The following PRPF19 variants were observed in gnomAD, a reference collection of about 807,000 sequenced individuals.
The protein encoded by PRPF19 is pre-mRNA processing factor 19, also known as pre-mRNA-processing factor 19.
Under a neutral mutation model 64.2 loss-of-function variants are expected in PRPF19, and 2 were observed. The observed-to-expected ratio is 0.03, with a 90% confidence interval of 0.01 to 0.10. The LOEUF (loss-of-function observed/expected upper bound fraction) is 0.10, where lower values mean the gene tolerates loss of function less well. PRPF19 is among the 10% of genes least tolerant of loss of function. The pLI, the probability that PRPF19 is intolerant of heterozygous loss-of-function variation, is 1.00. For missense variants in PRPF19, 314 were observed against 650.0 expected (o/e 0.48, Z 5.62); for synonymous variants, 226 against 251.6 (o/e 0.90, Z 0.96).
At chr11:60,906,076 C>T (rs1428175338) in intron 1 of PRPF19, among the ~76,000 whole-genome samples, 1 of 152,266 alleles carries the variant, frequency 6.6e-6, no homozygotes, top group East Asian at 1.9e-4. Flanking sequence ...GGCTGCTTCC[C>T]TTGCACCAGC....
rs773793364 is a variant in PRPF19, at chr11:60,899,129, G to A, written c.984+20C>T. On this transcript the variant is annotated intron_variant, in intron 11 of 15. Coordinates refer to ENST00000227524, the MANE Select transcript of PRPF19 (RefSeq NM_014502.5). ...CTTGGGGACCAGCAGGCCTCTCCAG[G>A]GCACTGGCTGGGACCGCACCTGATC... 1 of 1,605,660 alleles carries A rather than the reference G, an allele frequency of 6.2e-7. No individual in the cohort carries two copies. Among genetic ancestry groups the A allele is most frequent in the Non-Finnish European group, 8.5e-7 (1 of 1,175,852 alleles).
chr11:60,902,292 C>A lies in PRPF19; in HGVS notation c.525+111G>T. On this transcript the variant is annotated intron_variant, in intron 6 of 15. Transcript: ENST00000227524. This position sits in a 1 kb window ranked among gnomAD's most constrained non-coding sequence, Gnocchi z 5.0. The stretch of plus-strand genomic sequence containing the variant: ...GCAATCTGGTCCCAGGGTCCATGCT[C>A]TGCACCACTCAACTCCCAAAAGCAC... The A allele has an allele frequency of 8.2e-7, 1 of 1,225,078 alleles. No individual in the cohort carries two copies. 75.9% of individuals were successfully genotyped at this position (1,225,078 alleles called of 1,614,324 possible). A position where few individuals can be genotyped will look rare whatever the true frequency, so the allele number is the denominator to read the frequency against.
In PRPF19 at chr11:60,899,312, G is replaced by C. The variant is rs1481757582; in HGVS notation, c.829-8C>G. 6.2e-7 allele frequency: 1 copy of C among 1,606,628 alleles called. No individual in the cohort carries two copies. The highest frequency in any genetic ancestry group is 2.2e-5 in the East Asian group (1 of 44,852). On this transcript the variant is annotated splice_region_variant and splice_polypyrimidine_tract_variant and intron_variant, in intron 10 of 15. Transcript: ENST00000227524. ...AGCAGAAAACACCAGGTCCTACAAG[G>C]AAAACAAAGACAGAATATCAGAGTC...
In PRPF19 at chr11:60,902,446, T is replaced by A; in HGVS notation, c.482A>T (p.Asp161Val). 6.2e-7 allele frequency: 1 copy of A among 1,613,962 alleles called. No individual in the cohort carries two copies. Among genetic ancestry groups the A allele is most frequent in the Non-Finnish European group, 8.5e-7 (1 of 1,179,990 alleles). Reference protein sequence around the residue: ...PSVVGAGEPMDLGELVGMTPE... With the variant: ...PSVVGAGEPMVLGELVGMTPE... ...GGTCATTCCCACCAGCTCACCCAAATCCATTGGCTCACCCGCACCCTGAAG... is the reference window on the plus strand; with the variant it reads ...GGTCATTCCCACCAGCTCACCCAAAACCATTGGCTCACCCGCACCCTGAAG... Residue 161 changes from aspartate (D) to valine (V), a missense_variant, in exon 6 of 16, where the codon GAT (aspartate) becomes GTT (valine). By Grantham distance (152) the Asp-to-Val change is radical. This residue lies in a region of PRPF19 where 175 missense variants were observed against 342.9 expected (regional missense o/e 0.51). Coordinates refer to ENST00000227524, the MANE Select transcript of PRPF19 (RefSeq NM_014502.5). This position sits in a 1 kb window ranked among gnomAD's most constrained non-coding sequence, Gnocchi z 5.0.
chr11:60,891,626 C>T (rs1855859708), intron 15 of PRPF19, among the ~76,000 whole-genome samples: 2 of 152,206 alleles, frequency 1.3e-5, no homozygotes, highest in South Asian at 4.1e-4. Context: ...TTTTCTAGCT[C>T]ATAGTGTTCC....
intron 1 of PRPF19, among the ~76,000 whole-genome samples, chr11:60,904,820 T>G (rs1373496959): frequency 1.3e-5 from 2 of 152,204 alleles, no homozygotes; most frequent in African/African-American, 4.8e-5. Context: ...AAAGGCATGA[T>G]TCAATAAATC....
Position 60,898,286 on chromosome 11 carries a change from G to T in PRPF19, c.1141-15C>A. ...TTAGTACGTTCCTACAGTGGCGGTG[G>T]GTAGTAAAATACGTCACCCACAGAT... On this transcript the variant is annotated splice_polypyrimidine_tract_variant and intron_variant, in intron 13 of 15. Transcript: ENST00000227524. The surrounding 1 kb of genome is among the most constrained non-coding windows in gnomAD (Gnocchi z 4.6). 1.2e-6 allele frequency: 2 copies of T among 1,611,462 alleles called. No homozygotes were observed. Among genetic ancestry groups the T allele is most frequent in the South Asian group, 1.1e-5 (1 of 90,798 alleles).
chr11:60,891,068 G>GAC lies in PRPF19; in HGVS notation c.*97_*98insGT. ...TGATGTGAATGTCCCACCCCACAGAGCCCCCTCCCCCCATAGATTCCCCCC... is the reference window on the plus strand; with the variant it reads ...TGATGTGAATGTCCCACCCCACAGAGACCCCCCTCCCCCCATAGATTCCCCCC... On this transcript the variant is annotated 3_prime_UTR_variant, in exon 16 of 16. Coordinates refer to ENST00000227524, the MANE Select transcript of PRPF19 (RefSeq NM_014502.5). 1.3e-4 allele frequency: 29 copies of GAC among 215,886 alleles called. No homozygotes were observed. The highest frequency in any genetic ancestry group is 3.0e-4 in the South Asian group (9 of 29,644). The allele number at this position is 215,886 out of a possible 1,614,324, so 13.4% of individuals were successfully genotyped here.
intron 15 of PRPF19, among the ~76,000 whole-genome samples, chr11:60,895,798 A>G (rs1855913228): frequency 6.6e-6 from 1 of 151,984 alleles, no homozygotes; most frequent in African/African-American, 2.4e-5. Context: ...TAGTTTCAAT[A>G]TTGTTGTGTC....
chr11:60,896,100 G>A (rs1855917619), intron 15 of PRPF19, among the ~76,000 whole-genome samples: 1 of 152,088 alleles, frequency 6.6e-6, no homozygotes, highest in Non-Finnish European at 1.5e-5. Context: ...TTGGGGCAAG[G>A]TTGCCAAAAA....
intron 3 of PRPF19, 104 bp downstream of exon 3, chr11:60,903,355 G>T: frequency 8.1e-7 from 1 of 1,240,030 alleles, no homozygotes; most frequent in Non-Finnish European, 1.1e-6. Context: ...ATGTCACAAA[G>T]TTTACCCTCT....
chr11:60,906,427 A>G lies in PRPF19; in HGVS notation c.-45T>C. 6.5e-7 allele frequency: 1 copy of G among 1,531,346 alleles called. No individual in the cohort carries two copies. The highest frequency in any genetic ancestry group is 8.8e-7 in the Non-Finnish European group (1 of 1,139,278). The allele number at this position is 1,531,346 out of a possible 1,614,324, so 94.9% of individuals were successfully genotyped here. On this transcript the variant is annotated 5_prime_UTR_variant, in exon 1 of 16. Transcript: ENST00000227524. ...GAGGCGCCACACGCCGGGCTCCGGG[A>G]CTAGCTTCTGAGCCTCCGCGAGCCA...
chr11:60,899,402 A>G, intron 10 of PRPF19, 98 bp from the exon 11 acceptor site: 1 of 1,312,266 alleles, frequency 7.6e-7, no homozygotes, highest in South Asian at 1.4e-5. Flanking sequence ...AACTGCCAAC[A>G]ATTGCTTCTC....
intron 3 of PRPF19, among the ~76,000 whole-genome samples, chr11:60,903,172 T>G (rs993551091): frequency 5.9e-5 from 9 of 152,146 alleles, no homozygotes; most frequent in Non-Finnish European, 1.2e-4. Context: ...TAAAAGAGAA[T>G]AACAACACTG....
chr11:60,901,276 T>C lies in PRPF19; in HGVS notation c.642+19A>G, dbSNP rs1187675152. On this transcript the variant is annotated intron_variant, in intron 8 of 15. Coordinates refer to ENST00000227524, the MANE Select transcript of PRPF19 (RefSeq NM_014502.5). ...AACGGGAGGGCTGTCTCCAAGACAGTGGAGACCCAGACACTCACCACGTGG... is the reference window on the plus strand; with the variant it reads ...AACGGGAGGGCTGTCTCCAAGACAGCGGAGACCCAGACACTCACCACGTGG... 2 of 1,613,336 alleles carry C rather than the reference T, an allele frequency of 1.2e-6. No homozygotes were observed. The highest frequency in any genetic ancestry group is 1.7e-5 in the Admixed American group (1 of 59,996).
At chr11:60,894,542 C>T (rs1293800102) in intron 15 of PRPF19, among the ~76,000 whole-genome samples, 1 of 152,174 alleles carries the variant, frequency 6.6e-6, no homozygotes, top group Non-Finnish European at 1.5e-5. Context: ...CAGTTACTCC[C>T]TCCATGGAAG....
intron 15 of PRPF19, 92 bp from the exon 16 acceptor site, chr11:60,891,355 C>T: frequency 2.1e-6 from 2 of 968,854 alleles, no homozygotes; most frequent in Non-Finnish European, 3.2e-6. Flanking sequence ...AACAACCAGG[C>T]CTTCTCTAAT....
At position 60,903,846 on chromosome 11, in the gene PRPF19, G is replaced by A. The variant is rs1219957812; in HGVS notation, c.35C>T (p.Pro12Leu). ...GACAGGGGATACACATGGGTGCTCCGGCACTTCGTTAGAGACTGTAGAGAA... is the reference window on the plus strand; with the variant it reads ...GACAGGGGATACACATGGGTGCTCCAGCACTTCGTTAGAGACTGTAGAGAA... ...SLICSISNEVPEHPCVSPVSN... is the reference protein window; with the variant it reads ...SLICSISNEVLEHPCVSPVSN... The change falls in exon 2 of 16, where the codon CCG becomes CTG. Residue 12 changes from proline (P) to leucine (L), a missense_variant. Coordinates refer to ENST00000227524, the MANE Select transcript of PRPF19 (RefSeq NM_014502.5). 9 of 1,608,672 alleles carry A rather than the reference G, an allele frequency of 5.6e-6. No homozygotes were observed. The highest frequency in any genetic ancestry group is 3.3e-5 in the South Asian group (3 of 90,576).
In PRPF19 at chr11:60,891,173, C is replaced by T. The variant is rs780899009; in HGVS notation, c.1508G>A (p.Ser503Asn). The change falls in exon 16 of 16, where the codon AGC becomes AAC. Residue 503 changes from serine (S) to asparagine (N), a missense_variant. Physicochemically the swap from Ser to Asn is conservative, Grantham distance 46 (BLOSUM62 1). This residue lies in a region of PRPF19 where 47 missense variants were observed against 94.5 expected (regional missense o/e 0.50). Transcript: ENST00000227524. The part of the protein sequence containing the change: ...TGMDRSLKFY[S>N]L ...CATCAGAAGGGCCAGGGCCTACAGG[C>T]TGTAGAACTTGAGGCTTCTGTCCAT... The T allele has an allele frequency of 6.4e-7, 1 of 1,573,348 alleles. No homozygotes were observed. The highest frequency in any genetic ancestry group is 8.7e-7 in the Non-Finnish European group (1 of 1,155,000).
Sources: allele counts gnomAD v4.1 joint callset (sites outside exome capture counted in the v4.1 genomes callset), GRCh38; gene constraint gnomAD v4.1.1; regional missense constraint gnomAD v4.1.1; non-coding constraint Gnocchi (gnomAD v3.1); transcripts MANE v1.5; gene names NCBI Gene and HGNC (gene_info 2026-07-23, HGNC 2026-07-21).